SGCD: variants seen among roughly 807,000 people sequenced by gnomAD.
The protein encoded by SGCD is sarcoglycan delta.
Under a neutral mutation model 36.6 loss-of-function variants are expected in SGCD, and 18 were observed. That is an observed-to-expected ratio of 0.49 (90% confidence interval 0.34 to 0.73). The LOEUF is 0.73. SGCD is among the 30% of genes least tolerant of loss of function. The pLI, the probability that SGCD is intolerant of heterozygous loss-of-function variation, is 0.01. For synonymous variants in SGCD, 133 were observed against 130.6 expected, an observed-to-expected ratio of 1.02 and a Z score of -0.12; for missense variants, 387 against 346.7, an observed-to-expected ratio of 1.12 and a Z score of -0.92.
chr5:156,413,842 A>ATT (rs75667204), intron 3 of SGCD, among the ~76,000 whole-genome samples: 1 of 148,034 alleles, frequency 6.8e-6, no homozygotes, highest in African/African-American at 2.5e-5. Flanking sequence ...TGGGAAAAGG[A>ATT]TTTTTTTTTT....
intron 3 of SGCD, among the ~76,000 whole-genome samples, chr5:156,146,018 C>T (rs1226418631): frequency 1.3e-5 from 2 of 152,074 alleles, no homozygotes; most frequent in African/African-American, 4.8e-5. Flanking sequence ...TCGAGACCAT[C>T]CTGGCTAACA....
the SGCD span, among the ~76,000 whole-genome samples, chr5:155,788,922 A>G: frequency 6.6e-6 from 1 of 152,198 alleles, no homozygotes; most frequent in East Asian, 1.9e-4. Context: ...AAAACGGTCA[A>G]AATACCTGGC....
At chr5:156,751,899 C>T (rs761857120) in intron 7 of SGCD, among the ~76,000 whole-genome samples, 1 of 152,184 alleles carries the variant, frequency 6.6e-6, no homozygotes, top group African/African-American at 2.4e-5. Flanking sequence ...TATGCAGATC[C>T]TTAGGAGTAG....
At chr5:156,702,447 C>A (rs975579047) in intron 7 of SGCD, among the ~76,000 whole-genome samples, 1 of 152,056 alleles carries the variant, frequency 6.6e-6, no homozygotes, top group African/African-American at 2.4e-5. Flanking sequence ...GATACTTTTC[C>A]TCCCAAGCCA....
intron 3 of SGCD, among the ~76,000 whole-genome samples, chr5:156,168,880 G>C (rs530184464): frequency 6.6e-6 from 1 of 152,304 alleles, no homozygotes; most frequent in African/African-American, 2.4e-5. Flanking sequence ...ACACACATGC[G>C]CCATGAGCAG....
At chr5:156,408,936 C>T (rs1045527614) in intron 3 of SGCD, among the ~76,000 whole-genome samples, 1 of 152,268 alleles carries the variant, frequency 6.6e-6, no homozygotes, top group African/African-American at 2.4e-5. Context: ...CCCCTCTTTG[C>T]TCACAGCTGC....
chr5:155,847,692 C>A, the SGCD span, among the ~76,000 whole-genome samples: 1 of 152,146 alleles, frequency 6.6e-6, no homozygotes, highest in African/African-American at 2.4e-5. Context: ...CTTAAACCAG[C>A]CACTTGGAAA....
chr5:155,739,027 G>A, the SGCD span, among the ~76,000 whole-genome samples: 1 of 152,072 alleles, frequency 6.6e-6, no homozygotes, highest in Admixed American at 6.6e-5. Context: ...AAGCCAAATT[G>A]TACCTCATTT....
At position 156,342,994 on chromosome 5, in the gene SGCD, A is replaced by T. The variant is rs1768744155; in HGVS notation, c.4-1495A>T. Among the ~76,000 whole-genome samples the T allele has an allele frequency of 2.6e-5, 4 of 152,240 alleles. No homozygotes were observed. The South Asian group carries it at 8.3e-4, about 32-fold the overall frequency. On this transcript the variant is annotated intron_variant, in intron 2 of 8. Transcript: ENST00000337851. The stretch of plus-strand genomic sequence containing the variant: ...TAGGCCTTCATGGAGCATTTCAGTT[A>T]GCCATAAGGAAGAATTCACTCAGTT...
At chr5:155,738,805 G>A in the SGCD span, among the ~76,000 whole-genome samples, 8 of 148,992 alleles carry the variant, frequency 5.4e-5, no homozygotes, top group Non-Finnish European at 1.2e-4. Flanking sequence ...TGTAGTGTGT[G>A]TAAGAGAGTG....
chr5:155,833,697 G>A, the SGCD span, among the ~76,000 whole-genome samples: 1 of 152,230 alleles, frequency 6.6e-6, no homozygotes, highest in African/African-American at 2.4e-5. Context: ...GCAGCGGAAA[G>A]TGTAGTTCAT....
At chr5:156,423,410 A>AAT (rs1215386998) in intron 3 of SGCD, among the ~76,000 whole-genome samples, 1 of 120,654 alleles carries the variant, frequency 8.3e-6, no homozygotes, top group Non-Finnish European at 1.6e-5. Context: ...ATTATAATAT[A>AAT]ATATATTATA....
chr5:156,004,408 A>G (rs753779245), intron 1 of SGCD, among the ~76,000 whole-genome samples: 3 of 152,172 alleles, frequency 2.0e-5, no homozygotes, highest in Non-Finnish European at 4.4e-5. Context: ...TTACTGAGAA[A>G]CTGTGGTGTT....
At chr5:156,166,317 A>G (rs933978253) in intron 3 of SGCD, among the ~76,000 whole-genome samples, 1 of 151,866 alleles carries the variant, frequency 6.6e-6, no homozygotes, top group Non-Finnish European at 1.5e-5. Context: ...GAGTTACTCC[A>G]TAACTTTTTT....
At chr5:156,134,119 A>C (rs1168032508) in intron 3 of SGCD, among the ~76,000 whole-genome samples, 1 of 151,926 alleles carries the variant, frequency 6.6e-6, no homozygotes, top group East Asian at 1.9e-4. Context: ...TCCCCCTTCA[A>C]CTTGTTTATT....
chr5:156,566,548 C>G (rs771367304), intron 4 of SGCD, among the ~76,000 whole-genome samples: 20 of 152,014 alleles, frequency 1.3e-4, no homozygotes, highest in Admixed American at 1.0e-3. Flanking sequence ...ATCTTTGTAC[C>G]CCTGGCATGA....
the SGCD span, among the ~76,000 whole-genome samples, chr5:155,803,124 G>A: frequency 6.6e-6 from 1 of 152,204 alleles, no homozygotes; most frequent in Non-Finnish European, 1.5e-5. Context: ...TCAAGATGTA[G>A]ATAGGAAAAA....
chr5:156,701,793 AT>A (rs1415267681), intron 7 of SGCD, among the ~76,000 whole-genome samples: 1 of 152,192 alleles, frequency 6.6e-6, no homozygotes, highest in Non-Finnish European at 1.5e-5. Context: ...GAACTTGAAG[AT>A]TCCCAATAAC....
At position 155,891,558 on chromosome 5, in the gene SGCD, C is replaced by CTTTTTTTTTTTTTTTTTTTTTTTTTT. The variant is rs372399423; in HGVS notation, c.-282+21153_-282+21154insTTTTTTTTTTTTTTTTTTTTTTTTTT. On this transcript the variant is annotated intron_variant, in intron 1 of 9. Transcript: ENST00000517913. Reference sequence around the variant, plus strand: ...CAAATTCCAGAGAAAAATAAATACTCTTTTTTTTTTTTTTTTTTTGGTGAC... The same window carrying CTTTTTTTTTTTTTTTTTTTTTTTTTT: ...CAAATTCCAGAGAAAAATAAATACTCTTTTTTTTTTTTTTTTTTTTTTTTTTTTTTTTTTTTTTTTTTTTTGGTGAC... 2.8e-4 allele frequency among the ~76,000 whole-genome samples: 17 copies of CTTTTTTTTTTTTTTTTTTTTTTTTTT among 60,772 alleles called. 3 individuals are homozygous for CTTTTTTTTTTTTTTTTTTTTTTTTTT. The highest frequency in any genetic ancestry group is 6.0e-4 in the Admixed American group (2 of 3,310). 39.9% of individuals were successfully genotyped at this position (60,772 alleles called of 152,430 possible). A position where few individuals can be genotyped will look rare whatever the true frequency, so the allele number is the denominator to read the frequency against.
Sources: gnomAD v4.1 joint callset for allele counts (sites outside exome capture counted in the v4.1 genomes callset) on GRCh38, gnomAD v4.1.1 for gene constraint, MANE v1.5 for transcripts, NCBI Gene and HGNC (gene_info 2026-07-23, HGNC 2026-07-21) for gene names.